Variants in DCLK1 observed in about 807,000 individuals in gnomAD.
DCLK1 encodes the protein doublecortin like kinase 1, also known as serine/threonine-protein kinase DCLK1.
A neutral mutation model predicts 86.2 loss-of-function variants in DCLK1; 16 were observed. The observed-to-expected ratio is 0.19, with a 90% confidence interval of 0.13 to 0.28. The LOEUF (loss-of-function observed/expected upper bound fraction) is 0.28. Among genes scored for constraint, DCLK1 ranks in the 10% least tolerant of loss-of-function variants. The probability of loss-of-function intolerance (pLI) is 1.00; values close to 1 mark genes in which losing one functional copy is unlikely to be tolerated. For missense variants in DCLK1, 590 were observed against 940.2 expected (o/e 0.63, Z 4.87); for synonymous variants, 369 against 370.5 (o/e 1.00, Z 0.05).
intron 4 of DCLK1, among the ~76,000 whole-genome samples, chr13:35,895,075 T>A (rs985407452): frequency 6.6e-6 from 1 of 152,176 alleles, no homozygotes; most frequent in Non-Finnish European, 1.5e-5. Flanking sequence ...CCAGTAGCTG[T>A]GACTATAAGT....
intron 4 of DCLK1, among the ~76,000 whole-genome samples, chr13:35,903,356 A>G (rs1279298658): frequency 6.6e-6 from 1 of 152,196 alleles, no homozygotes; most frequent in Non-Finnish European, 1.5e-5. Context: ...TTGCTAGACA[A>G]CTAATTGAAC....
At chr13:35,866,572 G>A (rs1482124055) in intron 5 of DCLK1, among the ~76,000 whole-genome samples, 3 of 151,202 alleles carry the variant, frequency 2.0e-5, no homozygotes, top group Admixed American at 1.3e-4. Flanking sequence ...GTATAGCTGG[G>A]ACCACAGGAA....
chr13:36,095,055 A>G (rs942768772), intron 3 of DCLK1, among the ~76,000 whole-genome samples: 2 of 152,114 alleles, frequency 1.3e-5, no homozygotes, highest in Non-Finnish European at 1.5e-5. Flanking sequence ...GAACTGAACA[A>G]TTTCTCTATG....
At chr13:35,811,206 A>G (rs2087134311) in intron 11 of DCLK1, among the ~76,000 whole-genome samples, 3 of 152,252 alleles carry the variant, frequency 2.0e-5, no homozygotes, top group African/African-American at 7.2e-5. Flanking sequence ...TAGTACATTC[A>G]TACAACGAGA....
intron 3 of DCLK1, among the ~76,000 whole-genome samples, chr13:36,054,897 C>T (rs996249175): frequency 6.6e-6 from 1 of 152,150 alleles, no homozygotes; most frequent in African/African-American, 2.4e-5. Context: ...TTTGCCACTA[C>T]ATAAAAAGTA....
intron 3 of DCLK1, among the ~76,000 whole-genome samples, chr13:36,106,706 G>A (rs976480372): frequency 6.6e-6 from 1 of 152,102 alleles, no homozygotes; most frequent in Non-Finnish European, 1.5e-5. Flanking sequence ...GCTGCTAATA[G>A]CTACAGAAAA....
At chr13:35,829,530 C>T (rs1868775226) in intron 8 of DCLK1, among the ~76,000 whole-genome samples, 1 of 152,132 alleles carries the variant, frequency 6.6e-6, no homozygotes, top group African/African-American at 2.4e-5. Flanking sequence ...TATATGGTTA[C>T]AGCAAGAAAA....
intron 8 of DCLK1, 95 bp from the exon 9 acceptor site, chr13:35,828,402 G>A (rs1396021471): frequency 1.1e-6 from 1 of 930,492 alleles, no homozygotes; most frequent in African/African-American, 1.6e-5. Flanking sequence ...CATAGATCTT[G>A]CATCATGTTG....
At chr13:35,788,241 G>A in intron 16 of DCLK1, 1 of 1,613,984 alleles carries the variant, frequency 6.2e-7, no homozygotes, top group Non-Finnish European at 8.5e-7. Flanking sequence ...GTTGCTGGTA[G>A]TAGTCCAAAG....
At chr13:36,071,646 A>G (rs1325590849) in intron 3 of DCLK1, among the ~76,000 whole-genome samples, 2 of 152,208 alleles carry the variant, frequency 1.3e-5, no homozygotes, top group African/African-American at 4.8e-5. Context: ...AAGTCTCATA[A>G]TAACTCTAAA....
chr13:35,918,904 T>TTTTTTTTTTTTTTTTC, intron 4 of DCLK1, among the ~76,000 whole-genome samples: 1 of 139,388 alleles, frequency 7.2e-6, no homozygotes, highest in East Asian at 2.1e-4. Flanking sequence ...TTTTTTTTTT[T>TTTTTTTTTTTTTTTTC]TTTTTGGAAA....
chr13:35,952,892 T>C (rs1877781380), intron 3 of DCLK1, among the ~76,000 whole-genome samples: 1 of 152,170 alleles, frequency 6.6e-6, no homozygotes, highest in Non-Finnish European at 1.5e-5. Flanking sequence ...CCAGATGTGC[T>C]GGGAAAAGTC....
chr13:36,085,226 G>A (rs6563330), intron 3 of DCLK1, among the ~76,000 whole-genome samples: 2 of 151,986 alleles, frequency 1.3e-5, no homozygotes, highest in East Asian at 3.9e-4. Flanking sequence ...TAACTTTAAT[G>A]TTTATATTTA....
At chr13:36,055,576 C>A (rs1295276067) in intron 3 of DCLK1, among the ~76,000 whole-genome samples, 2 of 152,166 alleles carry the variant, frequency 1.3e-5, no homozygotes, top group African/African-American at 2.4e-5. Flanking sequence ...TGACGGGTTC[C>A]TGGAGAACAC....
At chr13:36,085,381 T>A (rs72621282) in intron 3 of DCLK1, among the ~76,000 whole-genome samples, 18,481 of 152,156 alleles carry the variant, frequency 0.12, 1,516 homozygotes, top group East Asian at 0.32. Context: ...ATGTATATAA[T>A]CCAAAGGTTG....
rs113863197 is a variant in DCLK1 at position 35,778,693 on chromosome 13, G to A, written c.2059-3994C>T. On this transcript the variant is annotated intron_variant, in intron 16 of 16. Transcript: ENST00000360631. ...GCCTGGAGCTGCTTCTCCCATCCTG[G>A]GAACCATGTGAAGTCCAACACTAAA... 9.3e-3 allele frequency among the ~76,000 whole-genome samples: 1,414 copies of A among 152,264 alleles called. 16 individuals carry two copies. Among genetic ancestry groups the A allele is most frequent in the Non-Finnish European group, 0.01 (695 of 68,026 alleles).
In DCLK1 at chr13:36,048,551, C is replaced by T. The variant is rs74986780; in HGVS notation, c.723+63318G>A. Among the ~76,000 whole-genome samples, 902 of 152,246 alleles carry T rather than the reference C, an allele frequency of 5.9e-3. 10 individuals carry two copies. The highest frequency in any genetic ancestry group is 0.021 in the African/African-American group (870 of 41,556). On this transcript the variant is annotated intron_variant, in intron 3 of 16. Coordinates refer to ENST00000360631, the MANE Select transcript of DCLK1 (RefSeq NM_001330071.2). The stretch of plus-strand genomic sequence containing the variant: ...CTCAGTGTGGTAAAGTCCTGAGTCC[C>T]TCTGAACCATTTGGCAGACTGTCTC...
intron 3 of DCLK1, among the ~76,000 whole-genome samples, chr13:36,101,455 G>A (rs1037211413): frequency 5.3e-5 from 8 of 152,178 alleles, no homozygotes; most frequent in South Asian, 2.1e-4. Flanking sequence ...ATAAAACTGC[G>A]AAATCAGCTA....
intron 4 of DCLK1, among the ~76,000 whole-genome samples, chr13:35,942,284 A>G (rs1247758036): frequency 6.6e-6 from 1 of 152,014 alleles, no homozygotes; most frequent in Non-Finnish European, 1.5e-5. Flanking sequence ...CTCCTGCCTC[A>G]GCCTCCCGAG....
Sources: allele counts gnomAD v4.1 joint callset (sites outside exome capture counted in the v4.1 genomes callset), GRCh38; gene constraint gnomAD v4.1.1; transcripts MANE v1.5; gene names NCBI Gene and HGNC (gene_info 2026-07-23, HGNC 2026-07-21).